The following EML4 variants were observed in gnomAD, a reference collection of about 807,000 sequenced individuals.
EML4 encodes echinoderm microtubule-associated protein-like 4.
A neutral mutation model predicts 129.0 loss-of-function variants in EML4; 72 were observed. That is an observed-to-expected ratio of 0.56 (90% CI 0.46 to 0.68). The LOEUF (loss-of-function observed/expected upper bound fraction) is 0.68, where lower values mean the gene tolerates loss of function less well. Among genes scored for constraint, EML4 ranks in the 30% least tolerant of loss-of-function variants. The probability of loss-of-function intolerance (pLI) is 0.00; values close to 1 mark genes in which losing one functional copy is unlikely to be tolerated. For missense variants in EML4, 1,363 were observed against 1,190.6 expected (o/e 1.14, Z -2.13); for synonymous variants, 532 against 405.0 (o/e 1.31, Z -3.77).
chr2:42,224,464 T>C (rs1277286340), intron 1 of EML4, among the ~76,000 whole-genome samples: 1 of 152,178 alleles, frequency 6.6e-6, no homozygotes, highest in Non-Finnish European at 1.5e-5. Context: ...GATGGACATT[T>C]GGGTTATTTC....
At chr2:42,287,853 G>A (rs1022203175) in intron 10 of EML4, among the ~76,000 whole-genome samples, 8 of 152,096 alleles carry the variant, frequency 5.3e-5, no homozygotes, top group South Asian at 2.1e-4. Flanking sequence ...ATGAAATTGT[G>A]TACATTTCTT....
At chr2:42,210,164 C>G (rs1039544042) in intron 1 of EML4, among the ~76,000 whole-genome samples, 1 of 152,020 alleles carries the variant, frequency 6.6e-6, no homozygotes, top group Non-Finnish European at 1.5e-5. Context: ...TACCTAGTGC[C>G]TCTTTTCTCT....
At chr2:42,177,163 G>C (rs1285904906) in intron 1 of EML4, among the ~76,000 whole-genome samples, 1 of 152,064 alleles carries the variant, frequency 6.6e-6, no homozygotes, top group African/African-American at 2.4e-5. Flanking sequence ...TTGAAGTCTT[G>C]CAGTGGAGAT....
chr2:42,295,425 G>A lies in EML4; in HGVS notation c.1398G>A (p.Gly466=), dbSNP rs1253514672. 4 of 1,613,900 alleles carry A rather than the reference G, an allele frequency of 2.5e-6. No individual in the cohort carries two copies. Among genetic ancestry groups the A allele is most frequent in the Middle Eastern group, 1.6e-4 (1 of 6,078 alleles). ...PKFVQCLAFL[G]NGDVLTGDSG... ...TTGTGCAGTGTTTAGCATTCTTGGG[G>A]AATGGAGATGTTCTTACTGGAGACT... Residue 466 remains glycine (G), a synonymous_variant, in exon 13 of 23, where the codon GGG becomes GGA. Coordinates refer to ENST00000318522, the MANE Select transcript of EML4 (RefSeq NM_019063.5).
At chr2:42,172,134 A>C (rs1221338416) in intron 1 of EML4, among the ~76,000 whole-genome samples, 2 of 152,038 alleles carry the variant, frequency 1.3e-5, no homozygotes, top group Non-Finnish European at 2.9e-5. Flanking sequence ...ATTTATTCTC[A>C]AGGAAGTATG....
Position 42,245,586 on chromosome 2 carries a change from A to G in EML4, c.107A>G (p.Asp36Gly). 1 of 1,613,946 alleles carries G rather than the reference A, an allele frequency of 6.2e-7. No homozygotes were observed. Among genetic ancestry groups the G allele is most frequent in the Non-Finnish European group, 8.5e-7 (1 of 1,179,904 alleles). Residue 36 changes from aspartate (D) to glycine (G), a missense_variant, in exon 2 of 23, where the codon GAT (aspartate) becomes GGT (glycine). Transcript: ENST00000318522. The part of the protein sequence containing the change: ...ALESRVQQQE[D>G]EITVLKAALA... ...GAGTCACGAGTTCAGCAACAAGAAG[A>G]TGAAATCACTGTGCTAAAGGCGGCT...
At chr2:42,224,677 A>T (rs1673836625) in intron 1 of EML4, among the ~76,000 whole-genome samples, 2 of 152,056 alleles carry the variant, frequency 1.3e-5, no homozygotes, top group Non-Finnish European at 2.9e-5. Context: ...GCAGTATATG[A>T]GGGTTTCAAT....
At chr2:42,229,165 G>C (rs1163655126) in intron 1 of EML4, among the ~76,000 whole-genome samples, 1 of 152,110 alleles carries the variant, frequency 6.6e-6, no homozygotes, top group African/African-American at 2.4e-5. Flanking sequence ...GGAATCTTAT[G>C]ATGATTATAG....
chr2:42,256,562 C>G lies in EML4; in HGVS notation c.270C>G (p.Asn90Lys), dbSNP rs750400296. The change falls in exon 3 of 23, where the codon AAC (asparagine) becomes AAG (lysine). Residue 90 changes from asparagine (N) to lysine (K), a missense_variant. Physicochemically the swap from Asn to Lys is moderately conservative, Grantham distance 94. Transcript: ENST00000318522. ...GTATAACCAATGGAAGTGGTGCAAA[C>G]AGAAAACCAAGTCATACCAGTGCTG... ...MSCITNGSGA[N>K]RKPSHTSAVS... is the part of the protein sequence containing the mutation. 5 of 1,613,786 alleles carry G rather than the reference C, an allele frequency of 3.1e-6. No homozygotes were observed. The Admixed American group carries it at 6.7e-5, about 22-fold the overall frequency.
At chr2:42,285,489 T>C (rs1487411158) in intron 9 of EML4, among the ~76,000 whole-genome samples, 3 of 152,180 alleles carry the variant, frequency 2.0e-5, no homozygotes, top group African/African-American at 7.2e-5. Context: ...TTATTGGACA[T>C]TGATAAAATG....
intron 1 of EML4, among the ~76,000 whole-genome samples, chr2:42,233,195 A>T (rs546526715): frequency 1.3e-5 from 2 of 152,184 alleles, no homozygotes; most frequent in South Asian, 2.1e-4. Flanking sequence ...ATGTGTGTTT[A>T]TAGCTGTTAT....
chr2:42,175,879 CTGA>C (rs1168435589), intron 1 of EML4, among the ~76,000 whole-genome samples: 3 of 152,148 alleles, frequency 2.0e-5, no homozygotes, highest in African/African-American at 7.2e-5. Flanking sequence ...TTGTATGCAG[CTGA>C]TGTTAACATG....
At chr2:42,231,025 C>G (rs1674307254) in intron 1 of EML4, among the ~76,000 whole-genome samples, 1 of 152,182 alleles carries the variant, frequency 6.6e-6, no homozygotes, top group Non-Finnish European at 1.5e-5. Flanking sequence ...CAGACACTCT[C>G]TTCACCCCCG....
intron 2 of EML4, 133 bp from the exon 3 acceptor site, chr2:42,256,368 A>G (rs1403794212): frequency 1.2e-6 from 1 of 808,634 alleles, no homozygotes; most frequent in Non-Finnish European, 1.9e-6. Context: ...CATTCTGCTC[A>G]AGAGTTATAA....
intron 1 of EML4, among the ~76,000 whole-genome samples, chr2:42,190,946 A>C (rs1671545087): frequency 1.3e-5 from 2 of 152,256 alleles, no homozygotes; most frequent in Non-Finnish European, 2.9e-5. Flanking sequence ...TGCAGGCCAC[A>C]CAAAAACAGT....
chr2:42,245,074 T>A (rs1346586055), intron 1 of EML4, among the ~76,000 whole-genome samples: 1 of 147,856 alleles, frequency 6.8e-6, no homozygotes. Flanking sequence ...TATGGAGTTT[T>A]TTGTTTTGAA....
At chr2:42,287,065 A>G (rs964813144) in intron 10 of EML4, among the ~76,000 whole-genome samples, 1 of 152,214 alleles carries the variant, frequency 6.6e-6, no homozygotes, top group Non-Finnish European at 1.5e-5. Flanking sequence ...TTTAGTTTCA[A>G]AGATAAATAC....
chr2:42,312,000 A>G (rs1017960761), intron 17 of EML4, among the ~76,000 whole-genome samples: 1 of 152,144 alleles, frequency 6.6e-6, no homozygotes, highest in East Asian at 1.9e-4. Context: ...ATGAGGCACC[A>G]TGCCCGGCCT....
At chr2:42,327,000 AC>A (rs1246623731) in intron 21 of EML4, among the ~76,000 whole-genome samples, 4 of 152,104 alleles carry the variant, frequency 2.6e-5, no homozygotes, top group African/African-American at 9.7e-5. Flanking sequence ...ATTAACAGTT[AC>A]CCCATCTCTC....
Sources: allele counts gnomAD v4.1 joint callset (sites outside exome capture counted in the v4.1 genomes callset), GRCh38; gene constraint gnomAD v4.1.1; transcripts MANE v1.5; gene names NCBI Gene and HGNC (gene_info 2026-07-23, HGNC 2026-07-21).